The following SLCO3A1 variants were observed in gnomAD, a reference collection of about 807,000 sequenced individuals.
The protein encoded by SLCO3A1 is solute carrier organic anion transporter family member 3A1.
In SLCO3A1, 27 loss-of-function variants were observed where a neutral mutation model predicts 63.1. The observed-to-expected ratio is 0.43, with a 90% confidence interval of 0.32 to 0.59. The LOEUF is 0.59. Ranked by LOEUF, SLCO3A1 falls within the 20% of genes least tolerant of loss-of-function variation. SLCO3A1 has a pLI of 0.09. For synonymous variants in SLCO3A1, 473 were observed against 409.9 expected, an observed-to-expected ratio of 1.15 and a Z score of -1.86; for missense variants, 773 against 945.8, an observed-to-expected ratio of 0.82 and a Z score of 2.40.
chr15:91,954,398 T>C lies in SLCO3A1; in HGVS notation c.646+37940T>C, dbSNP rs145823459. 4.5e-3 allele frequency among the ~76,000 whole-genome samples: 680 copies of C among 152,310 alleles called. 3 individuals are homozygous for C. Among genetic ancestry groups the C allele is most frequent in the African/African-American group, 0.016 (658 of 41,578 alleles). ...CAGCCAGGCGGAGACGGGCGGGTAC[T>C]GCACAGAGTGAGGCAGTCAGAAGTC... On this transcript the variant is annotated intron_variant, in intron 2 of 9. Coordinates refer to ENST00000318445, the MANE Select transcript of SLCO3A1 (RefSeq NM_013272.4). This position sits in a 1 kb window ranked among gnomAD's most constrained non-coding sequence, Gnocchi z 4.7.
chr15:92,049,207 TCTC>T (rs1168837860), intron 2 of SLCO3A1, among the ~76,000 whole-genome samples: 1 of 152,122 alleles, frequency 6.6e-6, no homozygotes, highest in African/African-American at 2.4e-5. Context: ...CACAGTGGCT[TCTC>T]CTCCTGGCCT....
chr15:91,973,490 G>A (rs980258133), intron 2 of SLCO3A1, among the ~76,000 whole-genome samples: 4 of 152,226 alleles, frequency 2.6e-5, no homozygotes, highest in South Asian at 2.1e-4. Flanking sequence ...CAGGAAGAAG[G>A]GGGGCTGAAG....
chr15:91,950,399 A>G lies in SLCO3A1; in HGVS notation c.646+33941A>G, dbSNP rs1228843289. Among the ~76,000 whole-genome samples, 1 of 152,110 alleles carries G rather than the reference A, an allele frequency of 6.6e-6. No individual in the cohort carries two copies. The highest frequency in any genetic ancestry group is 1.5e-5 in the Non-Finnish European group (1 of 68,014). ...GGGGAGCCCAGCCCTGTCACTGGCC[A>G]TTGATCCCAGGCCTTGACCAAATGG... is the stretch of plus-strand genomic sequence containing the variant. On this transcript the variant is annotated intron_variant, in intron 2 of 9. Transcript: ENST00000318445. The surrounding 1 kb of genome is among the most constrained non-coding windows in gnomAD (Gnocchi z 4.4).
intron 1 of SLCO3A1, among the ~76,000 whole-genome samples, chr15:91,908,084 G>C (rs1328493596): frequency 2.0e-5 from 3 of 152,140 alleles, no homozygotes; most frequent in Admixed American, 6.5e-5. Flanking sequence ...AACTGTAAGG[G>C]GGGATTGTTA....
At chr15:92,149,784 C>T (rs867317618) in intron 8 of SLCO3A1, 1 of 152,170 alleles carries the variant, frequency 6.6e-6, no homozygotes, top group Non-Finnish European at 1.5e-5. Flanking sequence ...CATATGATAG[C>T]TGAAAGGAAA....
chr15:92,150,461 G>GTCCA (rs1339114288), intron 8 of SLCO3A1, among the ~76,000 whole-genome samples: 3 of 152,172 alleles, frequency 2.0e-5, no homozygotes, highest in African/African-American at 4.8e-5. Flanking sequence ...TTCCCAAATG[G>GTCCA]TCCATCCAGG....
In SLCO3A1 at chr15:92,143,470, AT is replaced by A. The variant is rs1290738005; in HGVS notation, c.1513-3513del. On this transcript the variant is annotated intron_variant, in intron 7 of 9. Transcript: ENST00000318445. ...TATATAATATATATAATATATATAA[AT>A]ATATATATATATTATATATATGTAT... Among the ~76,000 whole-genome samples, 2 of 24,968 alleles carry A rather than the reference AT, an allele frequency of 8.0e-5. 1 individual carries two copies. The highest frequency in any genetic ancestry group is 2.2e-3 in the Admixed American group (2 of 898). The allele number at this position is 24,968 out of a possible 152,430, so 16.4% of individuals were successfully genotyped here.
In SLCO3A1 at chr15:92,162,869, C is replaced by T. The variant is rs75679958; in HGVS notation, c.1867C>T (p.Arg623Ter). 6.2e-7 allele frequency: 1 copy of T among 1,614,194 alleles called. No individual in the cohort carries two copies. Among genetic ancestry groups the T allele is most frequent in the Non-Finnish European group, 8.5e-7 (1 of 1,180,042 alleles). ...CGTCCTCTACGACAATGTGGTCTAC[C>T]GATACCTGTATGTCAGCATCGCCAT... ...ACVLYDNVVYRYLYVSIAIAL... is the reference protein window; with the variant it reads ...ACVLYDNVVY Residue 623 changes from arginine (R) to a stop codon, truncating the protein, a stop_gained, in exon 10 of 10, where the codon CGA becomes TGA. Transcript: ENST00000318445. LOFTEE classifies it high-confidence loss of function.
intron 2 of SLCO3A1, among the ~76,000 whole-genome samples, chr15:92,003,267 G>A (rs546657754): frequency 1.2e-4 from 18 of 152,320 alleles, no homozygotes; most frequent in African/African-American, 4.1e-4. Context: ...GCACTTATGC[G>A]TGGTAGGAGG....
Position 91,941,275 on chromosome 15 carries a change from T to TG in SLCO3A1, c.646+24821dup. On this transcript the variant is annotated intron_variant, in intron 2 of 9. Coordinates refer to ENST00000318445, the MANE Select transcript of SLCO3A1 (RefSeq NM_013272.4). This position sits in a 1 kb window ranked among gnomAD's most constrained non-coding sequence, Gnocchi z 4.4. Reference sequence around the variant, plus strand: ...GGAATGTGAGCTGGTTTAGGTGTGTTGGGGCAGGGCGGGGCTCGGCTGGGG... The same window carrying TG: ...GGAATGTGAGCTGGTTTAGGTGTGTTGGGGGCAGGGCGGGGCTCGGCTGGGG... The TG allele has an allele frequency of 4.0e-6, 1 of 250,660 alleles. No individual in the cohort carries two copies. Among genetic ancestry groups the TG allele is most frequent in the Admixed American group, 5.0e-5 (1 of 19,904 alleles). The allele number at this position is 250,660 out of a possible 1,614,324, so 15.5% of individuals were successfully genotyped here.
At chr15:91,879,461 G>C (rs1897495652) in intron 1 of SLCO3A1, among the ~76,000 whole-genome samples, 1 of 152,108 alleles carries the variant, frequency 6.6e-6, no homozygotes, top group Non-Finnish European at 1.5e-5. Context: ...TATGACACTT[G>C]GGAGAAATGA....
chr15:91,908,051 C>G (rs1001925222), intron 1 of SLCO3A1, among the ~76,000 whole-genome samples: 8 of 152,120 alleles, frequency 5.3e-5, no homozygotes, highest in African/African-American at 1.7e-4. Context: ...GCCTTTCTCT[C>G]CCTCATTTGG....
intron 1 of SLCO3A1, among the ~76,000 whole-genome samples, chr15:91,880,173 C>T (rs1004982648): frequency 6.7e-6 from 1 of 148,736 alleles, no homozygotes; most frequent in Non-Finnish European, 1.5e-5. Flanking sequence ...ATCCATCCAT[C>T]TATCTATCTA....
At chr15:92,166,959 C>T (rs1228411043), downstream of SLCO3A1, among the ~76,000 whole-genome samples, 1 of 152,194 alleles carries the variant, frequency 6.6e-6, no homozygotes, top group Non-Finnish European at 1.5e-5. Flanking sequence ...AGGCCCTACT[C>T]AGCAGTGGCA....
At chr15:91,936,313 A>G (rs967695645) in intron 2 of SLCO3A1, among the ~76,000 whole-genome samples, 1 of 152,242 alleles carries the variant, frequency 6.6e-6, no homozygotes, top group Non-Finnish European at 1.5e-5. Flanking sequence ...CTGGAGCTGC[A>G]CTGTCCAATA....
At position 92,119,078 on chromosome 15, in the gene SLCO3A1, A is replaced by G. The variant is rs371562616; in HGVS notation, c.1010-1387A>G. Among the ~76,000 whole-genome samples, 25 of 151,828 alleles carry G rather than the reference A, an allele frequency of 1.6e-4. 3 individuals are homozygous for G. Among genetic ancestry groups the G allele is most frequent in the African/African-American group, 5.8e-4 (24 of 41,382 alleles). On this transcript the variant is annotated intron_variant, in intron 4 of 9. Transcript: ENST00000318445. Reference sequence around the variant, plus strand: ...TTTGTTGTAAGGACATATTAAAATCATGGCACAAATATTGAAATGACAGGG... The same window carrying G: ...TTTGTTGTAAGGACATATTAAAATCGTGGCACAAATATTGAAATGACAGGG...
intron 2 of SLCO3A1, among the ~76,000 whole-genome samples, chr15:91,979,407 TCTC>T (rs1901248043): frequency 1.3e-5 from 2 of 152,222 alleles, no homozygotes; most frequent in African/African-American, 4.8e-5. Flanking sequence ...AGTGTGGAAT[TCTC>T]CACTTGGCAG....
intron 2 of SLCO3A1, among the ~76,000 whole-genome samples, chr15:92,059,549 G>A (rs917726843): frequency 6.6e-5 from 10 of 152,158 alleles, no homozygotes; most frequent in African/African-American, 1.9e-4. Flanking sequence ...TGTGAGCAGC[G>A]GCTGGCAGTG....
chr15:92,103,522 C>CATTAATTAATTA (rs3030618), intron 3 of SLCO3A1, among the ~76,000 whole-genome samples: 47 of 150,320 alleles, frequency 3.1e-4, no homozygotes, highest in African/African-American at 1.2e-3. Context: ...ACAAAGTTGG[C>CATTAATTAATTA]ATTAATTAAT....
Sources: allele counts gnomAD v4.1 joint callset (sites outside exome capture counted in the v4.1 genomes callset), GRCh38; gene constraint gnomAD v4.1.1; non-coding constraint Gnocchi (gnomAD v3.1); transcripts MANE v1.5; gene names NCBI Gene and HGNC (gene_info 2026-07-23, HGNC 2026-07-21).